Variants in ZNF618 observed in about 807,000 individuals in gnomAD.
ZNF618 encodes zinc finger protein 618.
ZNF618 carries 34 observed loss-of-function variants against 103.0 expected under a neutral mutation model. That is an observed-to-expected ratio of 0.33 (90% CI 0.25 to 0.44). ZNF618 has a LOEUF of 0.44. ZNF618 is among the 20% of genes least tolerant of loss of function. The pLI is 1.00. For synonymous variants in ZNF618, 551 were observed against 542.2 expected (o/e 1.02, Z -0.23); for missense variants, 1,059 against 1,295.4 (o/e 0.82, Z 2.80).
At chr9:113,916,862 C>T (rs1245165063) in intron 1 of ZNF618, among the ~76,000 whole-genome samples, 1 of 152,214 alleles carries the variant, frequency 6.6e-6, no homozygotes, top group East Asian at 1.9e-4. Flanking sequence ...ACTGGGAAGA[C>T]AGTCTCCAGC....
At chr9:113,963,741 C>A (rs750875850) in intron 1 of ZNF618, among the ~76,000 whole-genome samples, 31 of 152,194 alleles carry the variant, frequency 2.0e-4, no homozygotes, top group Middle Eastern at 3.2e-3. Context: ...TTTTGAGAAA[C>A]AATCATAATT....
chr9:113,934,983 AG>A, intron 1 of ZNF618, among the ~76,000 whole-genome samples: 1 of 152,328 alleles, frequency 6.6e-6, no homozygotes, highest in African/African-American at 2.4e-5. Context: ...GGTCATGCCC[AG>A]GGTCCCTCAC....
intron 6 of ZNF618, among the ~76,000 whole-genome samples, chr9:114,004,326 C>T (rs116761602): frequency 0.019 from 2,895 of 152,326 alleles, 81 homozygotes; most frequent in African/African-American, 0.065. Context: ...CCTCCAGCCC[C>T]GCCTTTCCTG....
chr9:113,926,073 C>G (rs1408884303), intron 1 of ZNF618, among the ~76,000 whole-genome samples: 3 of 151,990 alleles, frequency 2.0e-5, no homozygotes, highest in Non-Finnish European at 4.4e-5. Context: ...GCAACAAATT[C>G]CCTCAAATTT....
At chr9:113,989,013 C>CT (rs2133313700) in intron 3 of ZNF618, among the ~76,000 whole-genome samples, 1 of 152,328 alleles carries the variant, frequency 6.6e-6, no homozygotes, top group African/African-American at 2.4e-5. Flanking sequence ...ACAGATGGCA[C>CT]TTCCCCTGCC....
intron 1 of ZNF618, among the ~76,000 whole-genome samples, chr9:113,885,040 T>TA (rs1233416412): frequency 1.3e-5 from 2 of 152,174 alleles, no homozygotes; most frequent in Non-Finnish European, 2.9e-5. Context: ...ACCCTTGGGG[T>TA]TGTCATCAAA....
At chr9:113,910,303 C>T (rs1436043769) in intron 1 of ZNF618, among the ~76,000 whole-genome samples, 1 of 152,166 alleles carries the variant, frequency 6.6e-6, no homozygotes, top group Non-Finnish European at 1.5e-5. Flanking sequence ...AGCCTCCTGA[C>T]CAGCCAGCTT....
intron 1 of ZNF618, among the ~76,000 whole-genome samples, chr9:113,923,370 C>T (rs543167815): frequency 1.8e-4 from 28 of 152,212 alleles, no homozygotes; most frequent in Non-Finnish European, 2.8e-4. Context: ...GCCTTGTTCC[C>T]GATCTTAGGG....
rs1846397673 is a variant in ZNF618, at chr9:114,055,234, G to A, written c.*5067G>A. On this transcript the variant is annotated 3_prime_UTR_variant, in exon 15 of 15. Transcript: ENST00000374126. ...AAGGAGGGGCTCCTGCCATAACCCA[G>A]GTGCCAGCCGGTCTCCGCCTAGGAC... The A allele has an allele frequency of 6.6e-6, 1 of 152,184 alleles. No individual in the cohort carries two copies. Among genetic ancestry groups the A allele is most frequent in the Non-Finnish European group, 1.5e-5 (1 of 68,052 alleles). 9.4% of individuals were successfully genotyped at this position (152,184 alleles called of 1,614,324 possible). A position where few individuals can be genotyped will look rare whatever the true frequency, so the allele number is the denominator to read the frequency against.
At chr9:113,983,293 G>A (rs894978933) in intron 2 of ZNF618, among the ~76,000 whole-genome samples, 1 of 152,278 alleles carries the variant, frequency 6.6e-6, no homozygotes, top group African/African-American at 2.4e-5. Flanking sequence ...AGTGATATAA[G>A]TACTTATGTG....
chr9:114,032,777 C>T, intron 12 of ZNF618, 49 bp downstream of exon 12: 1 of 1,552,260 alleles, frequency 6.4e-7, no homozygotes, highest in Non-Finnish European at 8.9e-7. Flanking sequence ...GCCAGCTTCG[C>T]CCGCTCCCCC....
intron 10 of ZNF618, among the ~76,000 whole-genome samples, chr9:114,021,198 G>T (rs1357190349): frequency 6.6e-6 from 1 of 152,044 alleles, no homozygotes; most frequent in African/African-American, 2.4e-5. Context: ...ATTATTCTTT[G>T]CCAGATAAAA....
At chr9:113,983,053 A>G (rs1839114566) in intron 2 of ZNF618, among the ~76,000 whole-genome samples, 1 of 152,232 alleles carries the variant, frequency 6.6e-6, no homozygotes, top group Non-Finnish European at 1.5e-5. Flanking sequence ...AGTTATCTAT[A>G]TATAAATCTA....
intron 2 of ZNF618, among the ~76,000 whole-genome samples, chr9:113,974,735 C>G (rs144354349): frequency 6.6e-6 from 1 of 152,180 alleles, no homozygotes; most frequent in East Asian, 1.9e-4. Context: ...TTCTCCATGC[C>G]CCCCTGCACC....
intron 1 of ZNF618, among the ~76,000 whole-genome samples, chr9:113,887,998 T>C (rs1829235637): frequency 6.6e-6 from 1 of 152,152 alleles, no homozygotes; most frequent in South Asian, 2.1e-4. Context: ...GCATTCAATA[T>C]CTATTATCTC....
chr9:114,022,295 A>G (rs1843139217), intron 10 of ZNF618, among the ~76,000 whole-genome samples: 1 of 150,890 alleles, frequency 6.6e-6, no homozygotes, highest in African/African-American at 2.4e-5. Context: ...TGGGAAGAGT[A>G]CTCCCTCCTC....
At chr9:114,032,079 G>A (rs966851378) in intron 11 of ZNF618, among the ~76,000 whole-genome samples, 7 of 152,160 alleles carry the variant, frequency 4.6e-5, no homozygotes, top group African/African-American at 1.4e-4. Flanking sequence ...TTCCGCTGGG[G>A]GAACAACTGA....
chr9:113,928,645 G>C (rs1173314896), intron 1 of ZNF618, among the ~76,000 whole-genome samples: 1 of 151,914 alleles, frequency 6.6e-6, no homozygotes, highest in African/African-American at 2.4e-5. Flanking sequence ...TTTGTTTTTT[G>C]TTTTCTCTCC....
At chr9:113,920,296 G>C (rs570044400) in intron 1 of ZNF618, among the ~76,000 whole-genome samples, 1 of 152,152 alleles carries the variant, frequency 6.6e-6, no homozygotes, top group Non-Finnish European at 1.5e-5. Context: ...GTGATTTATG[G>C]TGGGGAGGAG....
Sources: gnomAD v4.1 joint callset for allele counts (sites outside exome capture counted in the v4.1 genomes callset) on GRCh38, gnomAD v4.1.1 for gene constraint, MANE v1.5 for transcripts, NCBI Gene and HGNC (gene_info 2026-07-23, HGNC 2026-07-21) for gene names.